Variants in GRID1 observed in about 807,000 individuals in gnomAD.
GRID1 encodes glutamate ionotropic receptor delta type subunit 1, also known as glutamate receptor ionotropic, delta-1.
GRID1 carries 28 observed loss-of-function variants against 98.0 expected under a neutral mutation model. The observed-to-expected ratio is 0.29, with a 90% CI of 0.21 to 0.39. The LOEUF (loss-of-function observed/expected upper bound fraction) is 0.39. GRID1 is among the 10% of genes least tolerant of loss of function. The pLI, the probability that GRID1 is intolerant of heterozygous loss-of-function variation, is 1.00. For missense variants in GRID1, 1,111 were observed against 1,340.5 expected (o/e 0.83, Z 2.67); for synonymous variants, 553 against 538.5 (o/e 1.03, Z -0.37).
At chr10:85,767,058 C>A (rs1426737765) in intron 8 of GRID1, among the ~76,000 whole-genome samples, 1 of 152,058 alleles carries the variant, frequency 6.6e-6, no homozygotes. Flanking sequence ...TGTCAAATTC[C>A]AATAAGGTTT....
intron 2 of GRID1, among the ~76,000 whole-genome samples, chr10:86,287,474 A>G (rs1266418995): frequency 6.6e-6 from 1 of 152,182 alleles, no homozygotes; most frequent in Non-Finnish European, 1.5e-5. Context: ...ATGAAAATGA[A>G]CTACTGCACA....
At chr10:85,636,652 C>CA (rs1346237676) in intron 13 of GRID1, among the ~76,000 whole-genome samples, 1 of 151,574 alleles carries the variant, frequency 6.6e-6, no homozygotes, top group Non-Finnish European at 1.5e-5. Context: ...GAAAAAGGAA[C>CA]AAAAAATCAC....
intron 4 of GRID1, among the ~76,000 whole-genome samples, chr10:86,132,829 T>C (rs1324010636): frequency 6.6e-6 from 1 of 152,240 alleles, no homozygotes; most frequent in Non-Finnish European, 1.5e-5. Context: ...TGGGCTTCTA[T>C]GAAGGATCAA....
At chr10:86,031,626 C>T (rs1195738671) in intron 4 of GRID1, among the ~76,000 whole-genome samples, 1 of 151,978 alleles carries the variant, frequency 6.6e-6, no homozygotes, top group African/African-American at 2.4e-5. Context: ...TCCACCTCTG[C>T]CCCCCCTCAT....
intron 4 of GRID1, among the ~76,000 whole-genome samples, chr10:85,994,150 G>A (rs1449242562): frequency 6.6e-6 from 1 of 152,148 alleles, no homozygotes; most frequent in Non-Finnish European, 1.5e-5. Context: ...AAAGAAAAAT[G>A]AGCAAACCAG....
chr10:86,257,504 G>A (rs1396652864), intron 2 of GRID1, among the ~76,000 whole-genome samples: 1 of 152,238 alleles, frequency 6.6e-6, no homozygotes, highest in African/African-American at 2.4e-5. Context: ...GCTTGTGGGA[G>A]AAGATCTGGA....
rs549439969 is a variant in GRID1, at chr10:85,864,193, G to A, written c.951+4817C>T. 3.9e-5 allele frequency among the ~76,000 whole-genome samples: 6 copies of A among 152,334 alleles called. No homozygotes were observed. The South Asian group carries it at 1.2e-3, about 32-fold the overall frequency. ...ACAAGCAGCTGACAGAGGGATCAGCGGGGAGGACAAGTTGACACCCAGATG... is the reference window on the plus strand; with the variant it reads ...ACAAGCAGCTGACAGAGGGATCAGCAGGGAGGACAAGTTGACACCCAGATG... On this transcript the variant is annotated intron_variant, in intron 6 of 15. Coordinates refer to ENST00000327946, the MANE Select transcript of GRID1 (RefSeq NM_017551.3).
At chr10:85,899,058 G>T (rs772288420) in intron 5 of GRID1, among the ~76,000 whole-genome samples, 7 of 152,150 alleles carry the variant, frequency 4.6e-5, no homozygotes, top group East Asian at 3.8e-4. Flanking sequence ...TAGGTGACAG[G>T]AATTTCTCAG....
chr10:85,691,128 C>T (rs575615428), intron 12 of GRID1, among the ~76,000 whole-genome samples: 56 of 152,312 alleles, frequency 3.7e-4, no homozygotes, highest in African/African-American at 1.3e-3. Context: ...TCTAAAATCA[C>T]ACAGCCAGCA....
At chr10:85,733,837 A>G (rs1367325777) in intron 8 of GRID1, among the ~76,000 whole-genome samples, 2 of 152,196 alleles carry the variant, frequency 1.3e-5, no homozygotes, top group Non-Finnish European at 2.9e-5. Context: ...ACGGGAGAAG[A>G]CACGTTAAAA....
intron 2 of GRID1, among the ~76,000 whole-genome samples, chr10:86,334,061 A>C (rs1848189478): frequency 6.7e-6 from 1 of 149,356 alleles, no homozygotes. Context: ...GAAGCCCCTC[A>C]CCTCCTACAT....
At chr10:85,991,106 G>A (rs1842673823) in intron 4 of GRID1, among the ~76,000 whole-genome samples, 1 of 152,206 alleles carries the variant, frequency 6.6e-6, no homozygotes, top group Non-Finnish European at 1.5e-5. Context: ...AAGGGGGCAA[G>A]AGTAGAGAGA....
chr10:86,035,372 T>C (rs905885586), intron 4 of GRID1, among the ~76,000 whole-genome samples: 1 of 152,200 alleles, frequency 6.6e-6, no homozygotes, highest in African/African-American at 2.4e-5. Flanking sequence ...ATTAATAATA[T>C]GTTGCCAAAA....
intron 4 of GRID1, among the ~76,000 whole-genome samples, chr10:86,048,590 AG>A (rs990407010): frequency 6.6e-6 from 1 of 152,198 alleles, no homozygotes; most frequent in Non-Finnish European, 1.5e-5. Flanking sequence ...CCAGCACATG[AG>A]GCTCATGGCA....
chr10:86,156,432 C>T (rs192205522), intron 3 of GRID1, among the ~76,000 whole-genome samples: 11 of 152,144 alleles, frequency 7.2e-5, no homozygotes, highest in Non-Finnish European at 1.0e-4. Flanking sequence ...AGAGGGATGG[C>T]GCTCTAGACA....
At chr10:85,880,895 T>G (rs1298431517) in intron 5 of GRID1, among the ~76,000 whole-genome samples, 2 of 152,180 alleles carry the variant, frequency 1.3e-5, no homozygotes, top group Admixed American at 1.3e-4. Flanking sequence ...GCCCAAAATC[T>G]CCTTAAGCTG....
At chr10:86,299,845 T>C (rs929245933) in intron 2 of GRID1, among the ~76,000 whole-genome samples, 26 of 152,280 alleles carry the variant, frequency 1.7e-4, no homozygotes, top group African/African-American at 6.3e-4. Context: ...GTGCTGGAGT[T>C]AGTCTTGGGG....
At chr10:85,943,085 A>G (rs1444473031) in intron 4 of GRID1, among the ~76,000 whole-genome samples, 1 of 152,162 alleles carries the variant, frequency 6.6e-6, no homozygotes, top group Non-Finnish European at 1.5e-5. Context: ...TCAATATTTA[A>G]TGCTTCAATG....
intron 12 of GRID1, among the ~76,000 whole-genome samples, chr10:85,707,471 T>C (rs1334483181): frequency 2.0e-5 from 3 of 152,216 alleles, no homozygotes; most frequent in Non-Finnish European, 4.4e-5. Flanking sequence ...CAACAGGTGC[T>C]GGAGAGGATG....
Sources: allele counts gnomAD v4.1 joint callset (sites outside exome capture counted in the v4.1 genomes callset), GRCh38; gene constraint gnomAD v4.1.1; transcripts MANE v1.5; gene names NCBI Gene and HGNC (gene_info 2026-07-23, HGNC 2026-07-21).